Variants in ADAM12 observed in about 807,000 individuals in gnomAD.
The protein encoded by ADAM12 is disintegrin and metalloproteinase domain-containing protein 12.
ADAM12 carries 70 observed loss-of-function variants against 106.4 expected under a neutral mutation model. That is an observed-to-expected ratio of 0.66 (90% CI 0.54 to 0.80). ADAM12 has a LOEUF of 0.80. Ranked by LOEUF, ADAM12 falls within the 30% of genes least tolerant of loss-of-function variation. The probability of loss-of-function intolerance (pLI) is 0.00; values close to 1 mark genes in which losing one functional copy is unlikely to be tolerated. For synonymous variants in ADAM12, 420 were observed against 433.5 expected, an observed-to-expected ratio of 0.97 and a Z score of 0.39; for missense variants, 1,010 against 1,171.9, an observed-to-expected ratio of 0.86 and a Z score of 2.02.
At chr10:126,372,486 C>G (rs1856144210) in intron 1 of ADAM12, among the ~76,000 whole-genome samples, 1 of 152,158 alleles carries the variant, frequency 6.6e-6, no homozygotes, top group Admixed American at 6.5e-5. Flanking sequence ...AACTCAGAGC[C>G]ACTTCTCACT....
intron 4 of ADAM12, among the ~76,000 whole-genome samples, chr10:126,143,200 T>A (rs559721421): frequency 6.6e-6 from 1 of 151,820 alleles, no homozygotes; most frequent in Non-Finnish European, 1.5e-5. Flanking sequence ...TGTGTATATG[T>A]ATGTGTGTAT....
chr10:126,020,316 C>T (rs900353842), intron 21 of ADAM12, among the ~76,000 whole-genome samples: 1 of 152,180 alleles, frequency 6.6e-6, no homozygotes, highest in African/African-American at 2.4e-5. Context: ...CCACATGTTG[C>T]TCTGAAGGCT....
At chr10:126,267,766 C>T (rs1959128238) in intron 3 of ADAM12, among the ~76,000 whole-genome samples, 1 of 149,814 alleles carries the variant, frequency 6.7e-6, no homozygotes, top group Non-Finnish European at 1.5e-5. Flanking sequence ...GACCCCTAGC[C>T]TAAATGGAGC....
intron 1 of ADAM12, among the ~76,000 whole-genome samples, chr10:126,357,800 C>T (rs534977446): frequency 6.6e-6 from 1 of 152,236 alleles, no homozygotes; most frequent in South Asian, 2.1e-4. Flanking sequence ...ATTCAATTAC[C>T]TCCCACCAGG....
chr10:126,382,417 A>G (rs1300466717), intron 1 of ADAM12, among the ~76,000 whole-genome samples: 1 of 152,240 alleles, frequency 6.6e-6, no homozygotes, highest in East Asian at 1.9e-4. Context: ...AAAAGGATTA[A>G]GTTTAAACAA....
chr10:126,260,905 C>A (rs1158529586), intron 3 of ADAM12, among the ~76,000 whole-genome samples: 1 of 152,114 alleles, frequency 6.6e-6, no homozygotes, highest in Non-Finnish European at 1.5e-5. Context: ...CCTCCGCATC[C>A]TGGGGTTCCC....
chr10:126,141,689 G>A (rs181980307), intron 4 of ADAM12, among the ~76,000 whole-genome samples: 71 of 152,290 alleles, frequency 4.7e-4, no homozygotes, highest in Middle Eastern at 3.4e-3. Flanking sequence ...CCAACTCTCA[G>A]TGGACTAGAA....
chr10:126,299,240 GGAA>G lies in ADAM12; in HGVS notation c.187-20255_187-20253del, dbSNP rs145703163. 3.9e-5 allele frequency among the ~76,000 whole-genome samples: 6 copies of G among 152,304 alleles called. No individual in the cohort carries two copies. The East Asian group carries it at 1.2e-3, about 29-fold the overall frequency. Reference sequence around the variant, plus strand: ...ATTTCCAGGAACATATTTTTTAACTGGAAGAAGATTCCATGACCCCAGGCCTCG... The same window carrying G: ...ATTTCCAGGAACATATTTTTTAACTGGAAGATTCCATGACCCCAGGCCTCG... On this transcript the variant is annotated intron_variant, in intron 2 of 22. Transcript: ENST00000448723.
At chr10:126,274,417 G>A (rs1246897890) in intron 3 of ADAM12, among the ~76,000 whole-genome samples, 1 of 152,142 alleles carries the variant, frequency 6.6e-6, no homozygotes. Flanking sequence ...GCTTGAGTAT[G>A]CAGGTCTCAT....
At chr10:126,234,146 G>C (rs1208517935) in intron 3 of ADAM12, among the ~76,000 whole-genome samples, 1 of 152,162 alleles carries the variant, frequency 6.6e-6, no homozygotes, top group Non-Finnish European at 1.5e-5. Context: ...AAAACCACCA[G>C]GGAGGAGTTC....
intron 14 of ADAM12, among the ~76,000 whole-genome samples, chr10:126,059,403 G>A (rs1278271): frequency 0.37 from 56,629 of 152,034 alleles, 11,395 homozygotes; most frequent in East Asian, 0.48. Context: ...TTCTTCAGAC[G>A]GACCTTTGTA....
At chr10:126,277,201 T>G (rs1959298340) in intron 3 of ADAM12, among the ~76,000 whole-genome samples, 1 of 152,202 alleles carries the variant, frequency 6.6e-6, no homozygotes. Flanking sequence ...GTTAGGGTTA[T>G]TTGTTCCCTT....
rs984656719 is a variant in ADAM12, at chr10:126,384,480, G to A, written c.88+3578C>T. Reference sequence around the variant, plus strand: ...GAAGGATGCAAGAGGAATTCTTAGCGTCTTGGTAATAAGGGTAGTCCTGAG... The same window carrying A: ...GAAGGATGCAAGAGGAATTCTTAGCATCTTGGTAATAAGGGTAGTCCTGAG... On this transcript the variant is annotated intron_variant, in intron 1 of 22. Transcript: ENST00000448723. Among the ~76,000 whole-genome samples the A allele has an allele frequency of 5.3e-5, 8 of 152,114 alleles. No homozygotes were observed. In the East Asian group the frequency reaches 5.8e-4, roughly 11 times the overall value.
chr10:126,201,880 C>A (rs1258838496), intron 3 of ADAM12, among the ~76,000 whole-genome samples: 1 of 152,202 alleles, frequency 6.6e-6, no homozygotes, highest in African/African-American at 2.4e-5. Context: ...AGACCTTCTA[C>A]CTCGAGCAGA....
At chr10:126,295,532 T>TAC (rs1047274012) in intron 2 of ADAM12, among the ~76,000 whole-genome samples, 28 of 147,656 alleles carry the variant, frequency 1.9e-4, no homozygotes, top group South Asian at 6.4e-4. Context: ...ACCACAAAAA[T>TAC]ACACACACAC....
intron 4 of ADAM12, among the ~76,000 whole-genome samples, chr10:126,141,331 G>A (rs982534584): frequency 6.6e-6 from 1 of 152,152 alleles, no homozygotes; most frequent in Non-Finnish European, 1.5e-5. Flanking sequence ...TAAAGACATT[G>A]CCGAACAAGA....
chr10:126,294,966 A>C (rs1464226216), intron 2 of ADAM12, among the ~76,000 whole-genome samples: 1 of 151,870 alleles, frequency 6.6e-6, no homozygotes, highest in Non-Finnish European at 1.5e-5. Context: ...GTAGGGTCTT[A>C]CCTAAAGTTG....
At chr10:126,227,806 C>T (rs1256293563) in intron 3 of ADAM12, among the ~76,000 whole-genome samples, 1 of 152,036 alleles carries the variant, frequency 6.6e-6, no homozygotes, top group Non-Finnish European at 1.5e-5. Flanking sequence ...GCCAAGAAAA[C>T]AAAGAGGCAG....
At chr10:126,316,354 C>A (rs1020212688) in intron 2 of ADAM12, among the ~76,000 whole-genome samples, 1 of 152,122 alleles carries the variant, frequency 6.6e-6, no homozygotes, top group Non-Finnish European at 1.5e-5. Flanking sequence ...AATCTCTAAT[C>A]GTAATTTCTT....
Sources: gnomAD v4.1 joint callset for allele counts (sites outside exome capture counted in the v4.1 genomes callset) on GRCh38, gnomAD v4.1.1 for gene constraint, MANE v1.5 for transcripts, NCBI Gene and HGNC (gene_info 2026-07-23, HGNC 2026-07-21) for gene names.